NLGN1: variants seen among roughly 807,000 people sequenced by gnomAD.
NLGN1 encodes the protein neuroligin-1.
In NLGN1, 12 loss-of-function variants were observed where a neutral mutation model predicts 65.5. The observed-to-expected ratio is 0.18, with a 90% CI of 0.12 to 0.30. The LOEUF is 0.30. Ranked by LOEUF, NLGN1 falls within the 10% of genes least tolerant of loss-of-function variation. The pLI is 1.00. For synonymous variants in NLGN1, 350 were observed against 359.5 expected (o/e 0.97, Z 0.30); for missense variants, 750 against 1,007.1 (o/e 0.74, Z 3.46).
chr3:174,172,187 C>A (rs949453971), intron 4 of NLGN1, among the ~76,000 whole-genome samples: 1 of 151,902 alleles, frequency 6.6e-6, no homozygotes, highest in African/African-American at 2.4e-5. Context: ...GATCATATAT[C>A]TATATGGGTT....
At chr3:173,955,212 A>C (rs1255808397) in intron 4 of NLGN1, among the ~76,000 whole-genome samples, 1 of 152,190 alleles carries the variant, frequency 6.6e-6, no homozygotes, top group East Asian at 1.9e-4. Flanking sequence ...AAAATCATTC[A>C]TCCTTGGCTC....
At chr3:174,120,066 A>G (rs935640792) in intron 4 of NLGN1, among the ~76,000 whole-genome samples, 4 of 152,258 alleles carry the variant, frequency 2.6e-5, no homozygotes, top group Non-Finnish European at 5.9e-5. Flanking sequence ...AACATTGACA[A>G]ACATCCAAAT....
chr3:174,151,536 T>C (rs1296798121), intron 4 of NLGN1, among the ~76,000 whole-genome samples: 1 of 151,462 alleles, frequency 6.6e-6, no homozygotes, highest in Non-Finnish European at 1.5e-5. Flanking sequence ...TGTATTTATC[T>C]TTTTTAATAA....
intron 2 of NLGN1, among the ~76,000 whole-genome samples, chr3:173,574,288 C>A (rs1379932015): frequency 6.6e-6 from 1 of 151,216 alleles, no homozygotes; most frequent in Non-Finnish European, 1.5e-5. Context: ...ATAGAAATAC[C>A]TTTTGATAAC....
At chr3:173,873,813 A>G (rs1379586712) in intron 4 of NLGN1, among the ~76,000 whole-genome samples, 1 of 152,162 alleles carries the variant, frequency 6.6e-6, no homozygotes, top group Non-Finnish European at 1.5e-5. Context: ...CTGTTTCCCA[A>G]AAAAGTCATA....
chr3:173,901,828 A>G (rs1269860112), intron 4 of NLGN1, among the ~76,000 whole-genome samples: 3 of 152,064 alleles, frequency 2.0e-5, no homozygotes, highest in Non-Finnish European at 4.4e-5. Flanking sequence ...TCTGAGCTGA[A>G]TTGAAAGGAC....
intron 2 of NLGN1, among the ~76,000 whole-genome samples, chr3:173,436,824 T>C (rs1224149551): frequency 6.6e-6 from 1 of 152,222 alleles, no homozygotes; most frequent in African/African-American, 2.4e-5. Flanking sequence ...TAGCAGTTAC[T>C]ACATCTTTTT....
chr3:173,589,938 T>C (rs1748181152), intron 2 of NLGN1, among the ~76,000 whole-genome samples: 2 of 152,192 alleles, frequency 1.3e-5, no homozygotes, highest in Admixed American at 1.3e-4. Flanking sequence ...ATACTTTCTA[T>C]GCTTGGAAGA....
intron 4 of NLGN1, among the ~76,000 whole-genome samples, chr3:174,087,180 G>A (rs1468184800): frequency 6.6e-6 from 1 of 152,098 alleles, no homozygotes; most frequent in Non-Finnish European, 1.5e-5. Flanking sequence ...ACTAGGCGTC[G>A]TACCTGGGTG....
intron 4 of NLGN1, among the ~76,000 whole-genome samples, chr3:174,217,752 A>G (rs775084319): frequency 5.9e-5 from 9 of 152,014 alleles, no homozygotes; most frequent in East Asian, 1.9e-4. Flanking sequence ...TGAGAGAGAA[A>G]GAGTAGGGTG....
chr3:173,582,558 G>A (rs1211728431), intron 2 of NLGN1, among the ~76,000 whole-genome samples: 1 of 151,900 alleles, frequency 6.6e-6, no homozygotes, highest in Non-Finnish European at 1.5e-5. Context: ...GGGGGATTGA[G>A]GACCTTTTTC....
chr3:173,688,881 A>G (rs1186363861), intron 3 of NLGN1, among the ~76,000 whole-genome samples: 2 of 152,208 alleles, frequency 1.3e-5, no homozygotes, highest in Non-Finnish European at 2.9e-5. Context: ...GCCAAGGAGT[A>G]TTGGGGAAGG....
chr3:174,235,934 T>C (rs1227810703), intron 4 of NLGN1, among the ~76,000 whole-genome samples: 4 of 152,166 alleles, frequency 2.6e-5, no homozygotes, highest in Admixed American at 1.3e-4. Context: ...GTCTTCTATC[T>C]GATATAAAAT....
chr3:174,022,573 G>C (rs1377929410), intron 4 of NLGN1, among the ~76,000 whole-genome samples: 1 of 152,146 alleles, frequency 6.6e-6, no homozygotes, highest in Non-Finnish European at 1.5e-5. Context: ...GACAGAACAA[G>C]ATACATACGC....
intron 3 of NLGN1, among the ~76,000 whole-genome samples, chr3:173,720,150 A>G (rs531655314): frequency 7.9e-5 from 12 of 152,236 alleles, no homozygotes; most frequent in African/African-American, 2.9e-4. Flanking sequence ...TTTTTTAAAA[A>G]ATGCTGATTT....
intron 4 of NLGN1, among the ~76,000 whole-genome samples, chr3:173,978,515 G>C (rs912658370): frequency 6.6e-6 from 1 of 151,910 alleles, no homozygotes; most frequent in Non-Finnish European, 1.5e-5. Context: ...GGATAAGGGG[G>C]CTTAGCATCT....
intron 3 of NLGN1, among the ~76,000 whole-genome samples, chr3:173,703,803 T>C (rs1257342607): frequency 2.0e-5 from 3 of 152,204 alleles, no homozygotes. Context: ...GATTCGTCAT[T>C]AAATTTAGAG....
At chr3:173,491,490 G>A (rs529135643) in intron 2 of NLGN1, among the ~76,000 whole-genome samples, 281 of 151,786 alleles carry the variant, frequency 1.9e-3, no homozygotes, top group Non-Finnish European at 3.3e-3. Context: ...TGCTGGATTC[G>A]GTTTGCCAGT....
chr3:173,770,633 T>G (rs1779439862), intron 3 of NLGN1, among the ~76,000 whole-genome samples: 1 of 152,144 alleles, frequency 6.6e-6, no homozygotes, highest in Non-Finnish European at 1.5e-5. Context: ...AAAGAATAGA[T>G]TTTGGAGTGA....
Sources: gnomAD v4.1 joint callset for allele counts (sites outside exome capture counted in the v4.1 genomes callset) on GRCh38, gnomAD v4.1.1 for gene constraint, MANE v1.5 for transcripts, NCBI Gene and HGNC (gene_info 2026-07-23, HGNC 2026-07-21) for gene names.